The following TTC29 variants were observed in gnomAD, a reference collection of about 807,000 sequenced individuals.
TTC29 encodes the protein tetratricopeptide repeat protein 29.
In TTC29, 49 loss-of-function variants were observed where a neutral mutation model predicts 58.1. That is an observed-to-expected ratio of 0.84 (90% CI 0.67 to 1.07). The LOEUF (loss-of-function observed/expected upper bound fraction) is 1.07. TTC29 is among the 50% of genes least tolerant of loss of function. The probability of loss-of-function intolerance (pLI) is 0.00; values close to 1 mark genes in which losing one functional copy is unlikely to be tolerated. For synonymous variants in TTC29, 209 were observed against 196.8 expected, an observed-to-expected ratio of 1.06 and a Z score of -0.52; for missense variants, 582 against 555.6, an observed-to-expected ratio of 1.05 and a Z score of -0.48.
At chr4:146,774,390 T>C (rs959779984) in intron 11 of TTC29, among the ~76,000 whole-genome samples, 1 of 152,174 alleles carries the variant, frequency 6.6e-6, no homozygotes, top group Admixed American at 6.5e-5. Context: ...CAGTTAATGT[T>C]GCTTTAGCTG....
intron 6 of TTC29, among the ~76,000 whole-genome samples, chr4:146,889,744 T>A (rs575540933): frequency 2.0e-5 from 3 of 152,258 alleles, no homozygotes; most frequent in African/African-American, 7.2e-5. Context: ...TGTTTTTACC[T>A]TTTTTGGAGA....
intron 4 of TTC29, among the ~76,000 whole-genome samples, chr4:146,935,213 T>C (rs933810703): frequency 2.0e-5 from 3 of 151,924 alleles, no homozygotes; most frequent in African/African-American, 4.8e-5. Flanking sequence ...ACCCATCGCA[T>C]TGGGAGGAAA....
At chr4:146,726,634 T>C (rs1269236038) in intron 11 of TTC29, among the ~76,000 whole-genome samples, 1 of 152,204 alleles carries the variant, frequency 6.6e-6, no homozygotes, top group Non-Finnish European at 1.5e-5. Context: ...ACAGCATATT[T>C]GGAACAATGT....
chr4:146,814,210 AAAC>A (rs1296257156), intron 10 of TTC29, among the ~76,000 whole-genome samples: 2 of 152,174 alleles, frequency 1.3e-5, no homozygotes, highest in African/African-American at 4.8e-5. Context: ...TGGCCAAATT[AAAC>A]AACAATAATA....
intron 8 of TTC29, among the ~76,000 whole-genome samples, chr4:146,843,907 C>T (rs2136366): frequency 0.26 from 39,734 of 152,008 alleles, 5,278 homozygotes; most frequent in Admixed American, 0.32. Flanking sequence ...TTTTAGGGAA[C>T]GCTTTTTTAA....
chr4:146,923,881 T>C (rs1486204279), intron 4 of TTC29, among the ~76,000 whole-genome samples: 2 of 151,792 alleles, frequency 1.3e-5, no homozygotes, highest in African/African-American at 4.8e-5. Flanking sequence ...TTCAACTATA[T>C]TGATAAAAAG....
chr4:146,788,190 T>G (rs1170991412), intron 11 of TTC29, among the ~76,000 whole-genome samples: 1 of 152,196 alleles, frequency 6.6e-6, no homozygotes, highest in Non-Finnish European at 1.5e-5. Flanking sequence ...ACCCCATGCT[T>G]TCCCAGGAAC....
intron 8 of TTC29, among the ~76,000 whole-genome samples, chr4:146,850,658 G>A (rs1729458748): frequency 6.6e-6 from 1 of 152,332 alleles, no homozygotes; most frequent in Non-Finnish European, 1.5e-5. Context: ...CCATTTTGAA[G>A]ATCCTAATGA....
chr4:146,712,227 G>T (rs1742550381), intron 11 of TTC29, among the ~76,000 whole-genome samples: 1 of 152,048 alleles, frequency 6.6e-6, no homozygotes, highest in Admixed American at 6.6e-5. Flanking sequence ...CACAAATAAG[G>T]AATGAAATGA....
chr4:146,731,333 G>C lies in TTC29; in HGVS notation c.1331-23782C>G, dbSNP rs1744318614. 1.3e-5 allele frequency among the ~76,000 whole-genome samples: 2 copies of C among 152,062 alleles called. 1 individual carries two copies. The highest frequency in any genetic ancestry group is 4.1e-4 in the South Asian group (2 of 4,826). On this transcript the variant is annotated intron_variant, in intron 11 of 12. Transcript: ENST00000325106. ...ATATGAAATTGTTGGCTGGGAGAGA[G>C]GGAGAGAGAACGAACCAGGGAAATA... is the stretch of plus-strand genomic sequence containing the variant.
chr4:146,725,932 G>T (rs1329319069), intron 11 of TTC29, among the ~76,000 whole-genome samples: 2 of 152,098 alleles, frequency 1.3e-5, no homozygotes, highest in African/African-American at 2.4e-5. Context: ...GAGTGCAATG[G>T]TGTAATTATA....
intron 11 of TTC29, among the ~76,000 whole-genome samples, chr4:146,742,622 T>TC (rs1745242514): frequency 7.7e-6 from 1 of 130,430 alleles, no homozygotes; most frequent in African/African-American, 2.9e-5. Flanking sequence ...TTCCCTCCCT[T>TC]CCTTCCTTCG....
chr4:146,722,638 T>A (rs1017921934), intron 11 of TTC29, among the ~76,000 whole-genome samples: 1 of 151,996 alleles, frequency 6.6e-6, no homozygotes, highest in African/African-American at 2.4e-5. Context: ...GAAAAAAAAA[T>A]GGACCCCTAC....
At chr4:146,940,920 C>T (rs1165866106) in intron 2 of TTC29, among the ~76,000 whole-genome samples, 3 of 152,184 alleles carry the variant, frequency 2.0e-5, no homozygotes, top group East Asian at 1.9e-4. Flanking sequence ...TACAGAACCA[C>T]CTATTGATAG....
At chr4:146,708,300 T>C (rs1742136989) in intron 11 of TTC29, among the ~76,000 whole-genome samples, 1 of 122,680 alleles carries the variant, frequency 8.2e-6, no homozygotes, top group Admixed American at 8.5e-5. Context: ...AAGTCAAATA[T>C]GGGAAGTTTA....
chr4:146,932,768 G>T (rs906847880), intron 4 of TTC29, among the ~76,000 whole-genome samples: 1 of 152,056 alleles, frequency 6.6e-6, no homozygotes, highest in Non-Finnish European at 1.5e-5. Flanking sequence ...TAAAAGATAT[G>T]AAAGTAGGCC....
At position 146,753,651 on chromosome 4, in the gene TTC29, A is replaced by C. The variant is rs971323549; in HGVS notation, c.1331-46100T>G. On this transcript the variant is annotated intron_variant, in intron 11 of 12. Transcript: ENST00000325106. ...TCACAATAGCAAAGACTTGGAACCA[A>C]CCCAAATGTCCAACAATGATAGACT... Among the ~76,000 whole-genome samples the C allele has an allele frequency of 2.6e-5, 4 of 152,190 alleles. No individual in the cohort carries two copies. In the East Asian group the frequency reaches 7.7e-4, roughly 29 times the overall value.
chr4:146,927,357 C>T lies in TTC29; in HGVS notation c.176+10237G>A, dbSNP rs532673904. On this transcript the variant is annotated intron_variant, in intron 4 of 12. Coordinates refer to ENST00000325106, the MANE Select transcript of TTC29 (RefSeq NM_031956.4). ...ATGAGAGTAAATCTGGGACTGGAGA[C>T]CAGAGAGTATGGTTTAAAAATTCAT... 1.1e-3 allele frequency among the ~76,000 whole-genome samples: 163 copies of T among 152,172 alleles called. 1 individual carries two copies. The highest frequency in any genetic ancestry group is 1.1e-3 in the Non-Finnish European group (73 of 68,004).
intron 5 of TTC29, among the ~76,000 whole-genome samples, chr4:146,908,036 C>T (rs781754164): frequency 1.8e-4 from 27 of 152,080 alleles, no homozygotes; most frequent in Admixed American, 3.3e-4. Flanking sequence ...AGTCAGGTCA[C>T]AACCTGATGG....
Sources: allele counts gnomAD v4.1 joint callset (sites outside exome capture counted in the v4.1 genomes callset), GRCh38; gene constraint gnomAD v4.1.1; transcripts MANE v1.5; gene names NCBI Gene and HGNC (gene_info 2026-07-23, HGNC 2026-07-21).